Variants in ASTN2 observed in about 807,000 individuals in gnomAD.
ASTN2 encodes astrotactin 2, also known as astrotactin-2.
A neutral mutation model predicts 139.8 loss-of-function variants in ASTN2; 54 were observed. The ratio of observed to expected loss-of-function variants is 0.39; its 90% CI spans 0.31 to 0.48. ASTN2 has a LOEUF of 0.48. ASTN2 is among the 20% of genes least tolerant of loss of function. The pLI is 0.95. For synonymous variants in ASTN2, 756 were observed against 719.5 expected, an observed-to-expected ratio of 1.05 and a Z score of -0.81; for missense variants, 1,565 against 1,725.1, an observed-to-expected ratio of 0.91 and a Z score of 1.64.
At position 116,592,277 on chromosome 9, in the gene ASTN2, C is replaced by A. The variant is rs1027031776; in HGVS notation, c.3355+26047G>T. Among the ~76,000 whole-genome samples, 3 of 152,038 alleles carry A rather than the reference C, an allele frequency of 2.0e-5. No homozygotes were observed. In the East Asian group the frequency reaches 5.8e-4, roughly 29 times the overall value. On this transcript the variant is annotated intron_variant, in intron 19 of 22. Coordinates refer to ENST00000313400, the MANE Select transcript of ASTN2 (RefSeq NM_001365068.1). The stretch of plus-strand genomic sequence containing the variant: ...GGTTCACAGTTCCACAGCCATGAAG[C>A]GTGGCTGAGGAGGCCTCAGGAAACT...
At chr9:116,751,708 T>C (rs1829408326) in intron 13 of ASTN2, among the ~76,000 whole-genome samples, 2 of 152,122 alleles carry the variant, frequency 1.3e-5, no homozygotes, top group African/African-American at 4.8e-5. Flanking sequence ...TGCTTTCCCA[T>C]ATGCTGGCAG....
intron 13 of ASTN2, among the ~76,000 whole-genome samples, chr9:116,744,264 G>A (rs755311031): frequency 7.2e-5 from 11 of 152,182 alleles, no homozygotes; most frequent in Non-Finnish European, 1.5e-4. Context: ...CTAAAGCAGC[G>A]AGTGAGAAGC....
intron 10 of ASTN2, among the ~76,000 whole-genome samples, chr9:116,923,902 G>A (rs1192294540): frequency 3.3e-5 from 5 of 152,132 alleles, no homozygotes; most frequent in African/African-American, 4.8e-5. Context: ...CTTGCTGATG[G>A]TGCCTAGATC....
intron 2 of ASTN2, among the ~76,000 whole-genome samples, chr9:117,265,530 G>T (rs117758870): frequency 0.01 from 1,528 of 152,288 alleles, 34 homozygotes; most frequent in South Asian, 0.057. Flanking sequence ...TTCATGGAGA[G>T]GGTCAGTGTT....
Position 117,060,567 on chromosome 9 carries a change from G to A in ASTN2, c.1277-20602C>T, listed in dbSNP as rs570177811. ...GAAAGAAAGAAAAAGAAAGAAAGAG[G>A]GAGGGAGGGAAAGAAGGCAGGAAGG... On this transcript the variant is annotated intron_variant, in intron 5 of 22. Coordinates refer to ENST00000313400, the MANE Select transcript of ASTN2 (RefSeq NM_001365068.1). Among the ~76,000 whole-genome samples the A allele has an allele frequency of 2.9e-3, 392 of 135,626 alleles. 8 individuals carry two copies. The highest frequency in any genetic ancestry group is 7.2e-3 in the Middle Eastern group (2 of 276). 89.0% of individuals were successfully genotyped at this position (135,626 alleles called of 152,430 possible).
intron 5 of ASTN2, among the ~76,000 whole-genome samples, chr9:117,053,166 A>G (rs566478159): frequency 5.3e-5 from 8 of 151,914 alleles, no homozygotes; most frequent in Admixed American, 5.2e-4. Context: ...CTGTGTAGGT[A>G]GTGGATTGTG....
chr9:116,688,884 A>AG (rs985615504), intron 16 of ASTN2, among the ~76,000 whole-genome samples: 12 of 151,940 alleles, frequency 7.9e-5, no homozygotes, highest in Non-Finnish European at 1.3e-4. Context: ...CACCAGAAAA[A>AG]AAAAAGGGAA....
intron 6 of ASTN2, among the ~76,000 whole-genome samples, chr9:117,038,710 A>G (rs982051761): frequency 2.6e-5 from 4 of 152,234 alleles, no homozygotes; most frequent in Non-Finnish European, 5.9e-5. Flanking sequence ...AATTATGCCA[A>G]ACTTCAATAC....
intron 7 of ASTN2, among the ~76,000 whole-genome samples, chr9:116,983,419 A>G (rs897945286): frequency 1.3e-5 from 2 of 152,228 alleles, no homozygotes; most frequent in Non-Finnish European, 2.9e-5. Flanking sequence ...CTTGTAAAAT[A>G]AGGAAACTGA....
At chr9:117,126,039 T>G (rs1431983646) in intron 4 of ASTN2, among the ~76,000 whole-genome samples, 1 of 152,244 alleles carries the variant, frequency 6.6e-6, no homozygotes, top group Non-Finnish European at 1.5e-5. Flanking sequence ...AGTTGTTTTT[T>G]TCTTTTAAGT....
chr9:116,592,749 A>G (rs925682276), intron 19 of ASTN2, among the ~76,000 whole-genome samples: 1 of 152,210 alleles, frequency 6.6e-6, no homozygotes, highest in Non-Finnish European at 1.5e-5. Flanking sequence ...CTCAAAGATG[A>G]CTGAATTCAA....
At chr9:117,098,260 A>G (rs1828886483) in intron 4 of ASTN2, among the ~76,000 whole-genome samples, 1 of 152,212 alleles carries the variant, frequency 6.6e-6, no homozygotes, top group Non-Finnish European at 1.5e-5. Context: ...GGAGAGAGGC[A>G]TCATTGTGCC....
intron 6 of ASTN2, among the ~76,000 whole-genome samples, chr9:117,026,858 T>C (rs1838101997): frequency 6.6e-6 from 1 of 152,232 alleles, no homozygotes; most frequent in South Asian, 2.1e-4. Flanking sequence ...CTACGCAAGA[T>C]CACCCTTTAA....
intron 20 of ASTN2, among the ~76,000 whole-genome samples, chr9:116,466,971 C>G (rs1039461216): frequency 3.3e-5 from 5 of 152,086 alleles, no homozygotes; most frequent in Non-Finnish European, 7.3e-5. Context: ...CACTGACGAA[C>G]TATTTCTGCA....
chr9:116,922,307 C>T (rs988762303), intron 10 of ASTN2, among the ~76,000 whole-genome samples: 4 of 152,010 alleles, frequency 2.6e-5, no homozygotes, highest in Non-Finnish European at 5.9e-5. Flanking sequence ...CAAGGAAGGC[C>T]CTGTGTTTGG....
chr9:116,452,593 G>C (rs10983163), intron 20 of ASTN2, among the ~76,000 whole-genome samples: 7,981 of 152,274 alleles, frequency 0.052, 332 homozygotes, highest in East Asian at 0.17. Context: ...CTTTACAACT[G>C]CCTAAGGGAT....
At chr9:116,652,748 T>TC (rs760490066) in intron 16 of ASTN2, among the ~76,000 whole-genome samples, 8 of 152,224 alleles carry the variant, frequency 5.3e-5, no homozygotes, top group Non-Finnish European at 1.0e-4. Flanking sequence ...ACATCATTTC[T>TC]CCTTTTTTTG....
In ASTN2 at chr9:117,043,795, C is replaced by T. The variant is rs182226785; in HGVS notation, c.1277-3830G>A. On this transcript the variant is annotated intron_variant, in intron 5 of 22. Coordinates refer to ENST00000313400, the MANE Select transcript of ASTN2 (RefSeq NM_001365068.1). ...TGGTGGCAGGTGCCTGTAGTCCCAG[C>T]TACTCCAGAGGCTGAGGCACGAGAA... 1.6e-3 allele frequency among the ~76,000 whole-genome samples: 250 copies of T among 151,828 alleles called. 1 individual carries two copies. The highest frequency in any genetic ancestry group is 5.7e-3 in the African/African-American group (235 of 41,404).
At chr9:117,413,563 C>A (rs1389895508) in intron 1 of ASTN2, among the ~76,000 whole-genome samples, 2 of 152,200 alleles carry the variant, frequency 1.3e-5, no homozygotes, top group Admixed American at 6.5e-5. Flanking sequence ...CTATCAATTA[C>A]CCGGGTGGGA....
Sources: gnomAD v4.1 joint callset for allele counts (sites outside exome capture counted in the v4.1 genomes callset) on GRCh38, gnomAD v4.1.1 for gene constraint, MANE v1.5 for transcripts, NCBI Gene and HGNC (gene_info 2026-07-23, HGNC 2026-07-21) for gene names.